Variants in MAPKAPK5 observed in about 807,000 individuals in gnomAD.
MAPKAPK5 encodes MAP kinase-activated protein kinase 5.
MAPKAPK5 carries 30 observed loss-of-function variants against 65.1 expected under a neutral mutation model. The observed-to-expected ratio is 0.46, with a 90% CI of 0.34 to 0.63. The LOEUF (loss-of-function observed/expected upper bound fraction) is 0.63, where lower values mean the gene tolerates loss of function less well. MAPKAPK5 is among the 20% of genes least tolerant of loss of function. MAPKAPK5 has a pLI of 0.01. For missense variants in MAPKAPK5, 433 were observed against 581.4 expected, an observed-to-expected ratio of 0.74 and a Z score of 2.63; for synonymous variants, 179 against 204.6, an observed-to-expected ratio of 0.87 and a Z score of 1.07.
In MAPKAPK5 at chr12:111,859,135, G is replaced by A. The variant is rs567334274; in HGVS notation, c.37-6115G>A. ...GGTTTTTACAAGTCTAGTAATTTTG[G>A]TTGAAAACTGGACATTTAGATAATA... is the stretch of plus-strand genomic sequence containing the variant. On this transcript the variant is annotated intron_variant, in intron 1 of 13. Coordinates refer to ENST00000550735, the MANE Select transcript of MAPKAPK5 (RefSeq NM_003668.4). 1.1e-4 allele frequency among the ~76,000 whole-genome samples: 16 copies of A among 147,480 alleles called. No individual in the cohort carries two copies. The South Asian group carries it at 3.6e-3, about 33-fold the overall frequency.
Position 111,901,107 on chromosome 12 carries a change from G to C in MAPKAPK5, c.*8046G>C. The C allele has an allele frequency of 2.2e-6, 1 of 456,062 alleles. No homozygotes were observed. 28.3% of individuals were successfully genotyped at this position (456,062 alleles called of 1,614,324 possible). A position where few individuals can be genotyped will look rare whatever the true frequency, so the allele number is the denominator to read the frequency against. Reference sequence around the variant, plus strand: ...ACATACAATGATTCAGGTCCCTCAGGGAGATGGCTCATGTTGGAGCATGGA... The same window carrying C: ...ACATACAATGATTCAGGTCCCTCAGCGAGATGGCTCATGTTGGAGCATGGA... On this transcript the variant is annotated 3_prime_UTR_variant, in exon 14 of 14. Transcript: ENST00000550735.
chr12:111,881,402 C>CTTTTTTTTTTTTTTTTTT lies in MAPKAPK5; in HGVS notation c.660+875_660+876insTTTTTTTTTTTTTTTTTT, dbSNP rs1274226182. Among the ~76,000 whole-genome samples the CTTTTTTTTTTTTTTTTTT allele has an allele frequency of 4.4e-3, 514 of 116,598 alleles. 56 individuals are homozygous for CTTTTTTTTTTTTTTTTTT. Among genetic ancestry groups the CTTTTTTTTTTTTTTTTTT allele is most frequent in the African/African-American group, 7.6e-3 (229 of 30,094 alleles). 76.5% of individuals were successfully genotyped at this position (116,598 alleles called of 152,430 possible). A position where few individuals can be genotyped will look rare whatever the true frequency, so the allele number is the denominator to read the frequency against. On this transcript the variant is annotated intron_variant, in intron 8 of 13. Transcript: ENST00000550735. The stretch of plus-strand genomic sequence containing the variant: ...AGCCCACATATTGATCCTGTCTGTT[C>CTTTTTTTTTTTTTTTTTT]CTTTTTTTTTTTTTTTTTTTGAGAC...
Position 111,848,157 on chromosome 12 carries a change from G to A in MAPKAPK5, c.36+5388G>A, listed in dbSNP as rs75195130. ...ATGTTTAACTTTTTAAGAAACCACC[G>A]AACTGTTTTCCAAAGTGGTTGTACC... is the stretch of plus-strand genomic sequence containing the variant. On this transcript the variant is annotated intron_variant, in intron 1 of 13. Transcript: ENST00000550735. Among the ~76,000 whole-genome samples, 550 of 152,234 alleles carry A rather than the reference G, an allele frequency of 3.6e-3. 3 individuals carry two copies. The highest frequency in any genetic ancestry group is 5.4e-3 in the Non-Finnish European group (364 of 68,016).
intron 6 of MAPKAPK5, 145 bp from the exon 7 acceptor site, chr12:111,870,940 C>T: frequency 1.6e-6 from 1 of 624,700 alleles, no homozygotes; most frequent in Non-Finnish European, 2.8e-6. Context: ...TGTCTCCAGA[C>T]CTGGGGACAT....
Position 111,892,656 on chromosome 12 carries a change from T to G in MAPKAPK5, c.1322-311T>G, listed in dbSNP as rs1354964202. ...CACTGAGTTGTGTTTTTCTTATAGATGTATAGGAATTCTTTATATATTCTG... is the reference window on the plus strand; with the variant it reads ...CACTGAGTTGTGTTTTTCTTATAGAGGTATAGGAATTCTTTATATATTCTG... On this transcript the variant is annotated intron_variant, in intron 13 of 13. Transcript: ENST00000550735. Among the ~76,000 whole-genome samples the G allele has an allele frequency of 2.6e-5, 4 of 152,314 alleles. No individual in the cohort carries two copies. The South Asian group carries it at 6.2e-4, about 24-fold the overall frequency.
chr12:111,892,587 C>T (rs1298178425), intron 13 of MAPKAPK5, among the ~76,000 whole-genome samples: 2 of 152,112 alleles, frequency 1.3e-5, no homozygotes, highest in Non-Finnish European at 2.9e-5. Flanking sequence ...GTTAGATTTC[C>T]TCTTTTGTGA....
chr12:111,854,672 T>G (rs1298042797), intron 1 of MAPKAPK5, among the ~76,000 whole-genome samples: 1 of 152,262 alleles, frequency 6.6e-6, no homozygotes, highest in Non-Finnish European at 1.5e-5. Context: ...CTCAGTGGAA[T>G]GGGCAGGGAT....
At position 111,899,099 on chromosome 12, in the gene MAPKAPK5, AC is replaced by A. The variant is rs1318565746; in HGVS notation, c.*6039del. 2 of 152,306 alleles carry A rather than the reference AC, an allele frequency of 1.3e-5. No individual in the cohort carries two copies. The highest frequency in any genetic ancestry group is 2.9e-5 in the Non-Finnish European group (2 of 68,094). 9.4% of individuals were successfully genotyped at this position (152,306 alleles called of 1,614,324 possible). On this transcript the variant is annotated 3_prime_UTR_variant, in exon 14 of 14. Transcript: ENST00000550735. ...GGCCAGGAGAGAAGCAGGAAGAGAA[AC>A]ACGGCTTGAAGTTCTGTAAGAATCA...
At chr12:111,875,625 GA>G (rs777249173) in intron 7 of MAPKAPK5, among the ~76,000 whole-genome samples, 13 of 152,098 alleles carry the variant, frequency 8.5e-5, no homozygotes, top group Non-Finnish European at 1.9e-4. Flanking sequence ...TGAGTCTCAT[GA>G]ATATCTGGTG....
intron 1 of MAPKAPK5, among the ~76,000 whole-genome samples, chr12:111,864,565 A>G (rs2069543842): frequency 6.6e-6 from 1 of 152,224 alleles, no homozygotes; most frequent in Non-Finnish European, 1.5e-5. Context: ...CTAAAAGCAT[A>G]TGGCAACAGA....
At chr12:111,863,219 G>A (rs545581830) in intron 1 of MAPKAPK5, among the ~76,000 whole-genome samples, 3 of 152,204 alleles carry the variant, frequency 2.0e-5, no homozygotes, top group Admixed American at 6.6e-5. Flanking sequence ...TAATCCTGAC[G>A]CACAGTTTTT....
intron 11 of MAPKAPK5, 26 bp from the exon 12 acceptor site, chr12:111,888,859 A>G (rs1156389709): frequency 5.3e-5 from 85 of 1,611,460 alleles, no homozygotes; most frequent in Non-Finnish European, 6.9e-5. Context: ...TCACGTTGTC[A>G]TTACCCCTCC....
intron 1 of MAPKAPK5, among the ~76,000 whole-genome samples, chr12:111,859,049 A>C (rs1442747580): frequency 6.8e-6 from 1 of 147,554 alleles, no homozygotes; most frequent in Non-Finnish European, 1.5e-5. Context: ...TAGTATCTGC[A>C]TCCAATCAGA....
At position 111,896,621 on chromosome 12, in the gene MAPKAPK5, C is replaced by G. The variant is rs2070830149; in HGVS notation, c.*3560C>G. The G allele has an allele frequency of 6.6e-6, 1 of 152,202 alleles. No homozygotes were observed. The highest frequency in any genetic ancestry group is 2.1e-4 in the South Asian group (1 of 4,836). The allele number at this position is 152,202 out of a possible 1,614,324, so 9.4% of individuals were successfully genotyped here. A position where few individuals can be genotyped will look rare whatever the true frequency, so the allele number is the denominator to read the frequency against. On this transcript the variant is annotated 3_prime_UTR_variant, in exon 14 of 14. Coordinates refer to ENST00000550735, the MANE Select transcript of MAPKAPK5 (RefSeq NM_003668.4). ...CACCTATACCTGTGGAAACATAACA[C>G]TGTAAATATAATTCTTATAAAGCAG...
chr12:111,863,535 G>A (rs774611612), intron 1 of MAPKAPK5, among the ~76,000 whole-genome samples: 9 of 152,068 alleles, frequency 5.9e-5, no homozygotes, highest in Non-Finnish European at 1.0e-4. Context: ...ACTAGCGAGC[G>A]GGATTCTTGT....
Position 111,874,532 on chromosome 12 carries a change from C to T in MAPKAPK5, c.579+3352C>T, listed in dbSNP as rs1489091868. Among the ~76,000 whole-genome samples the T allele has an allele frequency of 1.2e-4, 17 of 138,206 alleles. No individual in the cohort carries two copies. In the East Asian group the frequency reaches 2.8e-3, roughly 22 times the overall value. 90.7% of individuals were successfully genotyped at this position (138,206 alleles called of 152,430 possible). A position where few individuals can be genotyped will look rare whatever the true frequency, so the allele number is the denominator to read the frequency against. On this transcript the variant is annotated intron_variant, in intron 7 of 13. Transcript: ENST00000550735. ...TGTTGCCCAGGCTGGAGTGCAGTGG[C>T]GCAATCTCAGCTCACTGCAACCTCT...
chr12:111,881,026 C>T (rs1198476471), intron 8 of MAPKAPK5, among the ~76,000 whole-genome samples: 6 of 152,206 alleles, frequency 3.9e-5, no homozygotes, highest in Non-Finnish European at 7.3e-5. Flanking sequence ...AGCAAGGGCT[C>T]CTAAGTGTTA....
At chr12:111,849,039 C>T (rs141829592) in intron 1 of MAPKAPK5, among the ~76,000 whole-genome samples, 1 of 152,214 alleles carries the variant, frequency 6.6e-6, no homozygotes, top group East Asian at 1.9e-4. Context: ...GCTGGGATTA[C>T]AGATGTGAAC....
At chr12:111,850,899 C>CTTT (rs1028992831) in intron 1 of MAPKAPK5, among the ~76,000 whole-genome samples, 4 of 126,100 alleles carry the variant, frequency 3.2e-5, no homozygotes, top group African/African-American at 9.2e-5. Flanking sequence ...AACCCATTTT[C>CTTT]TTTTTTTTTT....
Sources: gnomAD v4.1 joint callset for allele counts (sites outside exome capture counted in the v4.1 genomes callset) on GRCh38, gnomAD v4.1.1 for gene constraint, MANE v1.5 for transcripts, NCBI Gene and HGNC (gene_info 2026-07-23, HGNC 2026-07-21) for gene names.